ARFGEF1: variants seen among roughly 807,000 people sequenced by gnomAD.
The protein encoded by ARFGEF1 is ARF guanine nucleotide exchange factor 1, also known as brefeldin A-inhibited guanine nucleotide-exchange protein 1.
ARFGEF1 carries 42 observed loss-of-function variants against 231.0 expected under a neutral mutation model. The ratio of observed to expected loss-of-function variants is 0.18; its 90% CI spans 0.14 to 0.24. The LOEUF is 0.24. Ranked by LOEUF, ARFGEF1 falls within the 10% of genes least tolerant of loss-of-function variation. The pLI is 1.00. For missense variants in ARFGEF1, 1,345 were observed against 2,192.0 expected, an observed-to-expected ratio of 0.61 and a Z score of 7.72; for synonymous variants, 710 against 732.3, an observed-to-expected ratio of 0.97 and a Z score of 0.49.
chr8:67,256,138 T>C (rs16933216), intron 17 of ARFGEF1, among the ~76,000 whole-genome samples: 2,469 of 152,176 alleles, frequency 0.016, 71 homozygotes, highest in African/African-American at 0.057. Flanking sequence ...AATTCTGGTG[T>C]AAAAATATCT....
At chr8:67,303,914 T>G (rs1806617572) in intron 1 of ARFGEF1, among the ~76,000 whole-genome samples, 1 of 152,184 alleles carries the variant, frequency 6.6e-6, no homozygotes, top group South Asian at 2.1e-4. Context: ...ATGAGGTGTG[T>G]ACTATTATAT....
chr8:67,308,029 A>G (rs1806828780), intron 1 of ARFGEF1, among the ~76,000 whole-genome samples: 1 of 152,194 alleles, frequency 6.6e-6, no homozygotes, highest in Non-Finnish European at 1.5e-5. Context: ...GAGGCTACAA[A>G]AAATAGTTCC....
intron 1 of ARFGEF1, among the ~76,000 whole-genome samples, chr8:67,311,841 G>C (rs1287416209): frequency 6.6e-6 from 1 of 152,208 alleles, no homozygotes; most frequent in Non-Finnish European, 1.5e-5. Flanking sequence ...TGGTTGCCGT[G>C]TCTGTGTAGA....
At chr8:67,318,528 T>C (rs1402805031) in intron 1 of ARFGEF1, among the ~76,000 whole-genome samples, 1 of 152,108 alleles carries the variant, frequency 6.6e-6, no homozygotes, top group Non-Finnish European at 1.5e-5. Flanking sequence ...TATTCACAGA[T>C]TACATGATTA....
chr8:67,265,508 CTG>C (rs1412310961), intron 14 of ARFGEF1, among the ~76,000 whole-genome samples: 1 of 152,080 alleles, frequency 6.6e-6, no homozygotes, highest in East Asian at 1.9e-4. Flanking sequence ...AGTGGGAAAA[CTG>C]ACTTCACAAG....
intron 23 of ARFGEF1, 37 bp downstream of exon 23, chr8:67,232,818 G>T: frequency 1.4e-6 from 2 of 1,468,766 alleles, no homozygotes; most frequent in Non-Finnish European, 9.3e-7. Flanking sequence ...AACTGAAATA[G>T]TAATCATCTG....
In ARFGEF1 at chr8:67,287,967, T is replaced by G. The variant is rs1346287784; in HGVS notation, c.1015A>C (p.Ile339Leu). ...TGAAGTATACTACCTCCAACAACAA[T>G]GTTCACCATTTCTTCTACAATGTTC... Reference protein sequence around the residue: ...VQNIVEEMVNIVVGDMGEGTT... With the variant: ...VQNIVEEMVNLVVGDMGEGTT... The change falls in exon 7 of 39, where the codon ATT becomes CTT. Residue 339 changes from isoleucine to leucine, a missense_variant. By Grantham distance (5) the Ile-to-Leu change is conservative. This residue lies in a region of ARFGEF1 where 398 missense variants were observed against 463.2 expected (regional missense o/e 0.86). Coordinates refer to ENST00000262215, the MANE Select transcript of ARFGEF1 (RefSeq NM_006421.5). 6.3e-7 allele frequency: 1 copy of G among 1,584,412 alleles called. No individual in the cohort carries two copies.
At chr8:67,301,551 CAT>C (rs1210716217) in intron 2 of ARFGEF1, among the ~76,000 whole-genome samples, 171 bp from the exon 3 acceptor site, 3 of 152,212 alleles carry the variant, frequency 2.0e-5, no homozygotes, top group East Asian at 3.9e-4. Flanking sequence ...TGGTTTGCCA[CAT>C]AGTCAAAAGC....
intron 33 of ARFGEF1, among the ~76,000 whole-genome samples, chr8:67,213,142 C>T (rs1838809510): frequency 6.6e-6 from 1 of 152,120 alleles, no homozygotes; most frequent in Non-Finnish European, 1.5e-5. Flanking sequence ...TTCTCAAGGG[C>T]AATTCAGAAT....
intron 5 of ARFGEF1, among the ~76,000 whole-genome samples, chr8:67,188,529 G>A (rs1211552772): frequency 6.6e-6 from 1 of 152,202 alleles, no homozygotes; most frequent in East Asian, 1.9e-4. Context: ...ATTTGAGCTG[G>A]GAGTGGCAAC....
At chr8:67,299,943 T>C (rs1270388436) in intron 3 of ARFGEF1, among the ~76,000 whole-genome samples, 1 of 152,130 alleles carries the variant, frequency 6.6e-6, no homozygotes, top group East Asian at 1.9e-4. Context: ...CACTCCAACG[T>C]AGGTGACAGT....
intron 5 of ARFGEF1, among the ~76,000 whole-genome samples, chr8:67,295,045 AC>A (rs1158556134): frequency 6.6e-6 from 1 of 152,214 alleles, no homozygotes; most frequent in African/African-American, 2.4e-5. Context: ...AATTTGGGCA[AC>A]AAAATAAGTA....
At chr8:67,343,087 GA>G in intron 1 of ARFGEF1, 76 bp downstream of exon 1, 8 of 971,344 alleles carry the variant, frequency 8.2e-6, no homozygotes, top group East Asian at 6.3e-5. Flanking sequence ...AGCCCCGGGC[GA>G]CCCCACCCCC....
intron 10 of ARFGEF1, among the ~76,000 whole-genome samples, chr8:67,271,045 G>GAAA (rs1563878469): frequency 3.2e-3 from 222 of 69,190 alleles, no homozygotes; most frequent in South Asian, 4.5e-3. Context: ...AAAAAAAAAG[G>GAAA]AAAAAGAAAA....
intron 1 of ARFGEF1, among the ~76,000 whole-genome samples, chr8:67,336,993 G>A (rs1404673410): frequency 6.6e-6 from 1 of 152,028 alleles, no homozygotes; most frequent in Non-Finnish European, 1.5e-5. Flanking sequence ...TCAGCCGGGC[G>A]CGGTAGCGCT....
intron 5 of ARFGEF1, among the ~76,000 whole-genome samples, chr8:67,295,365 A>T (rs548086544): frequency 3.0e-4 from 45 of 152,294 alleles, no homozygotes; most frequent in Admixed American, 2.6e-3. Context: ...CCTGACAGAT[A>T]ACTACCTTAA....
intron 5 of ARFGEF1, among the ~76,000 whole-genome samples, chr8:67,184,350 GA>G (rs1463803311): frequency 5.9e-5 from 9 of 152,180 alleles, no homozygotes; most frequent in African/African-American, 1.9e-4. Flanking sequence ...AATAAATAGA[GA>G]AAATCAATGA....
intron 29 of ARFGEF1, among the ~76,000 whole-genome samples, chr8:67,222,202 T>C (rs535682337): frequency 4.7e-4 from 63 of 134,328 alleles, no homozygotes; most frequent in East Asian, 3.8e-3. Flanking sequence ...TATATATATA[T>C]ATACACACAC....
At position 67,343,205 on chromosome 8, in the gene ARFGEF1, G is replaced by C. The variant is rs1477016231; in HGVS notation, c.83C>G (p.Ala28Gly). The C allele has an allele frequency of 6.2e-7, 1 of 1,613,104 alleles. No homozygotes were observed. Among genetic ancestry groups the C allele is most frequent in the Non-Finnish European group, 8.5e-7 (1 of 1,179,590 alleles). ...KILADKEVKK[A>G]HHSQLRKACE... Reference sequence around the variant, plus strand: ...AGCTTTGCGCAGCTGGGAGTGATGCGCCTTCTTCACTTCCTTGTCGGCCAA... The same window carrying C: ...AGCTTTGCGCAGCTGGGAGTGATGCCCCTTCTTCACTTCCTTGTCGGCCAA... Residue 28 changes from alanine (A) to glycine (G), a missense_variant, in exon 1 of 39, where the codon GCG (alanine) becomes GGG (glycine). Coordinates refer to ENST00000262215, the MANE Select transcript of ARFGEF1 (RefSeq NM_006421.5).
Sources: allele counts gnomAD v4.1 joint callset (sites outside exome capture counted in the v4.1 genomes callset), GRCh38; gene constraint gnomAD v4.1.1; regional missense constraint gnomAD v4.1.1; transcripts MANE v1.5; gene names NCBI Gene and HGNC (gene_info 2026-07-23, HGNC 2026-07-21).